Variants in SLC43A3 observed in about 807,000 individuals in gnomAD.
SLC43A3 encodes the protein solute carrier family 43 member 3, also known as equilibrative nucleobase transporter 1.
Under a neutral mutation model 53.3 loss-of-function variants are expected in SLC43A3, and 33 were observed. The ratio of observed to expected loss-of-function variants is 0.62; its 90% CI spans 0.47 to 0.83. The LOEUF (loss-of-function observed/expected upper bound fraction) is 0.83. SLC43A3 is among the 40% of genes least tolerant of loss of function. The probability of loss-of-function intolerance (pLI) is 0.00; values close to 1 mark genes in which losing one functional copy is unlikely to be tolerated. For missense variants in SLC43A3, 530 were observed against 610.0 expected (o/e 0.87, Z 1.38); for synonymous variants, 236 against 246.2 (o/e 0.96, Z 0.39).
In SLC43A3 at chr11:57,426,357, A is replaced by T; in HGVS notation, c.-180-5T>A. ...CAGCGGGTGATTCTCTGGATCCTGT[A>T]GAATAAAGATAGAGGCTGCTGGAAG... is the stretch of plus-strand genomic sequence containing the variant. On this transcript the variant is annotated splice_polypyrimidine_tract_variant and splice_region_variant and intron_variant, in intron 2 of 13. Coordinates refer to ENST00000395124, the MANE Select transcript of SLC43A3 (RefSeq NM_199329.3). 2 of 603,164 alleles carry T rather than the reference A, an allele frequency of 3.3e-6. No homozygotes were observed. The highest frequency in any genetic ancestry group is 4.2e-5 in the South Asian group (2 of 47,898). The allele number at this position is 603,164 out of a possible 1,614,324, so 37.4% of individuals were successfully genotyped here.
At chr11:57,414,901 C>T (rs201686088) in intron 10 of SLC43A3, 32 bp downstream of exon 10, 47 of 1,609,128 alleles carry the variant, frequency 2.9e-5, no homozygotes, top group African/African-American at 1.3e-5. Flanking sequence ...CTGGGACATG[C>T]AGATGGGCTA....
Position 57,425,532 on chromosome 11 carries a change from G to A in SLC43A3, c.314+9C>T. ...CCCACCTTTGCCTGGGCTGGCCTTTGGGACTTACATGGCTATGAGGCGTGC... is the reference window on the plus strand; with the variant it reads ...CCCACCTTTGCCTGGGCTGGCCTTTAGGACTTACATGGCTATGAGGCGTGC... On this transcript the variant is annotated intron_variant, in intron 4 of 13. Transcript: ENST00000395124. The A allele has an allele frequency of 6.2e-7, 1 of 1,612,272 alleles. No individual in the cohort carries two copies. The highest frequency in any genetic ancestry group is 8.5e-7 in the Non-Finnish European group (1 of 1,178,876).
intron 13 of SLC43A3, chr11:57,408,877 T>G (rs1160270437): frequency 2.9e-6 from 1 of 341,856 alleles, no homozygotes; most frequent in Non-Finnish European, 5.5e-6. Context: ...TGGGGCCAAC[T>G]GTGGAAACCC....
intron 7 of SLC43A3, among the ~76,000 whole-genome samples, chr11:57,419,338 T>G (rs1433514258): frequency 6.6e-6 from 1 of 152,160 alleles, no homozygotes; most frequent in Non-Finnish European, 1.5e-5. Context: ...CAGCTCAGTT[T>G]GAAAACCACC....
At chr11:57,422,382 C>T (rs1007952868) in intron 5 of SLC43A3, among the ~76,000 whole-genome samples, 3 of 152,318 alleles carry the variant, frequency 2.0e-5, no homozygotes, top group African/African-American at 7.2e-5. Flanking sequence ...ACTGGCCCCA[C>T]ATGAAGACAT....
At chr11:57,412,701 G>A (rs1031191450) in intron 11 of SLC43A3, among the ~76,000 whole-genome samples, 5 of 151,952 alleles carry the variant, frequency 3.3e-5, no homozygotes, top group African/African-American at 4.8e-5. Flanking sequence ...CCAGCTACTC[G>A]GGATGCTGAG....
intron 12 of SLC43A3, 41 bp downstream of exon 12, chr11:57,409,894 A>G (rs1424644173): frequency 2.0e-6 from 3 of 1,535,756 alleles, no homozygotes; most frequent in African/African-American, 1.4e-5. Flanking sequence ...TCTTTGCCCC[A>G]GTGTGTCCGT....
intron 13 of SLC43A3, 31 bp downstream of exon 13, chr11:57,409,144 T>C (rs921595835): frequency 2.5e-6 from 4 of 1,613,262 alleles, no homozygotes; most frequent in African/African-American, 2.7e-5. Context: ...CCAGGCCTCC[T>C]GCCAGGGATC....
chr11:57,418,145 T>C (rs934757594), intron 7 of SLC43A3, among the ~76,000 whole-genome samples: 7 of 152,066 alleles, frequency 4.6e-5, no homozygotes, highest in African/African-American at 1.2e-4. Context: ...CTTGACAACA[T>C]AGTGAGACCC....
Position 57,423,503 on chromosome 11 carries a change from A to G in SLC43A3, c.361+479T>C, listed in dbSNP as rs187717140. On this transcript the variant is annotated intron_variant, in intron 5 of 13. Coordinates refer to ENST00000395124, the MANE Select transcript of SLC43A3 (RefSeq NM_199329.3). ...GAGTGCAATGGTGTGATCTTGGCTC[A>G]CTGCAACCTCTGCCTCCTGGGTTCA... 2.2e-4 allele frequency among the ~76,000 whole-genome samples: 33 copies of G among 152,224 alleles called. No individual in the cohort carries two copies. In the East Asian group the frequency reaches 4.8e-3, roughly 22 times the overall value.
chr11:57,422,181 A>T (rs1196014156), intron 5 of SLC43A3, among the ~76,000 whole-genome samples: 2 of 152,260 alleles, frequency 1.3e-5, no homozygotes, highest in African/African-American at 2.4e-5. Context: ...TCCAAAAAGT[A>T]TCTATTTTTA....
chr11:57,422,197 C>G (rs1943021686), intron 5 of SLC43A3, among the ~76,000 whole-genome samples: 1 of 152,194 alleles, frequency 6.6e-6, no homozygotes, highest in African/African-American at 2.4e-5. Flanking sequence ...TTTTAAAGGA[C>G]ACTTTATATC....
At chr11:57,423,291 G>A (rs1478605668) in intron 5 of SLC43A3, among the ~76,000 whole-genome samples, 4 of 152,186 alleles carry the variant, frequency 2.6e-5, no homozygotes, top group Non-Finnish European at 5.9e-5. Flanking sequence ...GTACAATAGG[G>A]TTGTCAACTT....
intron 13 of SLC43A3, 74 bp from the exon 14 acceptor site, chr11:57,407,970 C>T (rs1942275645): frequency 1.0e-6 from 1 of 974,994 alleles, no homozygotes; most frequent in Non-Finnish European, 1.6e-6. Context: ...GAAGCAAGCA[C>T]TGGTCCATTC....
At chr11:57,414,561 G>A in intron 11 of SLC43A3, 54 bp downstream of exon 11, 3 of 579,634 alleles carry the variant, frequency 5.2e-6, no homozygotes, top group Non-Finnish European at 9.8e-6. Flanking sequence ...TGGGGTAAAT[G>A]AAGACCTCCC....
rs1943171527 is a variant in SLC43A3, at chr11:57,425,459, C to T, written c.314+82G>A. 4.7e-6 allele frequency: 7 copies of T among 1,494,012 alleles called. No individual in the cohort carries two copies. The East Asian group carries it at 9.1e-5, about 19-fold the overall frequency. 92.5% of individuals were successfully genotyped at this position (1,494,012 alleles called of 1,614,324 possible). The stretch of plus-strand genomic sequence containing the variant: ...CTGGCAGGGTGGCCGGGCTGTCTGA[C>T]TCTGGATTTCACTCCAAGCTAGGCT... On this transcript the variant is annotated intron_variant, in intron 4 of 13. Coordinates refer to ENST00000395124, the MANE Select transcript of SLC43A3 (RefSeq NM_199329.3).
rs77175257 is a variant in SLC43A3, at chr11:57,421,709, C to T, written c.362-336G>A. Among the ~76,000 whole-genome samples, 48 of 152,318 alleles carry T rather than the reference C, an allele frequency of 3.2e-4. No individual in the cohort carries two copies. In the East Asian group the frequency reaches 8.1e-3, roughly 26 times the overall value. On this transcript the variant is annotated intron_variant, in intron 5 of 13. Coordinates refer to ENST00000395124, the MANE Select transcript of SLC43A3 (RefSeq NM_199329.3). ...AGCTGCCTCTCCCTTTCATCCTTGACACTCCTGGAAAAGAAGACCCTGGAC... is the reference window on the plus strand; with the variant it reads ...AGCTGCCTCTCCCTTTCATCCTTGATACTCCTGGAAAAGAAGACCCTGGAC...
At chr11:57,419,332 T>A (rs1942874192) in intron 7 of SLC43A3, among the ~76,000 whole-genome samples, 1 of 152,128 alleles carries the variant, frequency 6.6e-6, no homozygotes, top group African/African-American at 2.4e-5. Context: ...CCTCAACAGC[T>A]CAGTTTGAAA....
chr11:57,407,978 T>G, intron 13 of SLC43A3, 82 bp from the exon 14 acceptor site: 1 of 890,038 alleles, frequency 1.1e-6, no homozygotes, highest in Admixed American at 2.0e-5. Context: ...CACTGGTCCA[T>G]TCCATGACCA....
Sources: gnomAD v4.1 joint callset for allele counts (sites outside exome capture counted in the v4.1 genomes callset) on GRCh38, gnomAD v4.1.1 for gene constraint, MANE v1.5 for transcripts, NCBI Gene and HGNC (gene_info 2026-07-23, HGNC 2026-07-21) for gene names.